The following KIRREL3 variants were observed in gnomAD, a reference collection of about 807,000 sequenced individuals.
KIRREL3 encodes kirre like nephrin family adhesion molecule 3.
Under a neutral mutation model 89.7 loss-of-function variants are expected in KIRREL3, and 36 were observed. The ratio of observed to expected loss-of-function variants is 0.40; its 90% CI spans 0.31 to 0.53. The LOEUF (loss-of-function observed/expected upper bound fraction) is 0.53, where lower values mean the gene tolerates loss of function less well. Among genes scored for constraint, KIRREL3 ranks in the 20% least tolerant of loss-of-function variants. The pLI, the probability that KIRREL3 is intolerant of heterozygous loss-of-function variation, is 0.49. For missense variants in KIRREL3, 864 were observed against 1,056.6 expected (o/e 0.82, Z 2.53); for synonymous variants, 445 against 441.4 (o/e 1.01, Z -0.10).
chr11:126,886,876 C>G (rs1474250225), intron 1 of KIRREL3, among the ~76,000 whole-genome samples: 4 of 152,186 alleles, frequency 2.6e-5, no homozygotes, highest in African/African-American at 9.7e-5. Flanking sequence ...CTGCCCCACT[C>G]TTGACAGGAA....
intron 1 of KIRREL3, among the ~76,000 whole-genome samples, chr11:126,856,619 A>ATT (rs11442624): frequency 1.9e-4 from 26 of 139,558 alleles, no homozygotes; most frequent in Admixed American, 1.3e-3. Context: ...ACAGACATAT[A>ATT]TTTTTTTTTT....
At chr11:126,933,893 T>A (rs564936740) in intron 1 of KIRREL3, among the ~76,000 whole-genome samples, 8 of 152,194 alleles carry the variant, frequency 5.3e-5, no homozygotes, top group Non-Finnish European at 1.2e-4. Context: ...CAAATCATCT[T>A]TAGGTTAAAC....
chr11:126,632,681 T>C (rs112014918), intron 1 of KIRREL3, among the ~76,000 whole-genome samples: 1 of 10 alleles, frequency 0.1, no homozygotes. Flanking sequence ...TCATCCTCCT[T>C]CCCTGCCACA....
At chr11:126,598,906 G>A (rs1281403001) in intron 1 of KIRREL3, among the ~76,000 whole-genome samples, 1 of 152,212 alleles carries the variant, frequency 6.6e-6, no homozygotes, top group Non-Finnish European at 1.5e-5. Flanking sequence ...CTCAACCCCA[G>A]TCTGAAGATC....
At chr11:126,988,833 C>G (rs1236308625) in intron 1 of KIRREL3, among the ~76,000 whole-genome samples, 1 of 152,184 alleles carries the variant, frequency 6.6e-6, no homozygotes, top group Non-Finnish European at 1.5e-5. Flanking sequence ...GTGGCTGGTC[C>G]CCATTCAGCA....
chr11:126,598,429 C>T (rs578095027), intron 1 of KIRREL3, among the ~76,000 whole-genome samples: 37 of 152,246 alleles, frequency 2.4e-4, no homozygotes, highest in Non-Finnish European at 4.4e-4. Context: ...GTGATTGATG[C>T]GAATATTCAG....
At chr11:126,446,983 G>A (rs1591547274) in intron 8 of KIRREL3, 97 bp from the exon 9 acceptor site, 2 of 1,454,280 alleles carry the variant, frequency 1.4e-6, no homozygotes, top group East Asian at 2.5e-5. Flanking sequence ...CTTGACTGGG[G>A]GGAGGCAGGC....
In KIRREL3 at chr11:126,742,399, A is replaced by G. The variant is rs748598084; in HGVS notation, c.56-179487T>C. On this transcript the variant is annotated intron_variant, in intron 1 of 16. Coordinates refer to ENST00000525144, the MANE Select transcript of KIRREL3 (RefSeq NM_032531.4). The surrounding 1 kb of genome is among the most constrained non-coding windows in gnomAD (Gnocchi z 5.3). Reference sequence around the variant, plus strand: ...TGGTTCTAATTTATTTTCATGCCTCAGTGAGCTGGACTGATAATATGGAAT... The same window carrying G: ...TGGTTCTAATTTATTTTCATGCCTCGGTGAGCTGGACTGATAATATGGAAT... 1.3e-5 allele frequency among the ~76,000 whole-genome samples: 2 copies of G among 152,206 alleles called. No homozygotes were observed. Among genetic ancestry groups the G allele is most frequent in the African/African-American group, 2.4e-5 (1 of 41,464 alleles).
At chr11:126,726,586 T>G (rs1948390598) in intron 1 of KIRREL3, among the ~76,000 whole-genome samples, 1 of 152,192 alleles carries the variant, frequency 6.6e-6, no homozygotes, top group African/African-American at 2.4e-5. Flanking sequence ...CAGGCTGGTT[T>G]CAAACTCCTG....
chr11:126,816,741 TC>T (rs1274653448), intron 1 of KIRREL3, among the ~76,000 whole-genome samples: 3 of 152,162 alleles, frequency 2.0e-5, no homozygotes, highest in African/African-American at 7.2e-5. Context: ...AATCTAAGGC[TC>T]TTCTTTGCGC....
At chr11:126,582,872 C>T (rs552101307) in intron 1 of KIRREL3, among the ~76,000 whole-genome samples, 8 of 152,188 alleles carry the variant, frequency 5.3e-5, no homozygotes, top group Non-Finnish European at 8.8e-5. Flanking sequence ...AAGTATTATC[C>T]TTAATTATCT....
At chr11:126,599,096 C>CT (rs1241888089) in intron 1 of KIRREL3, among the ~76,000 whole-genome samples, 1 of 152,224 alleles carries the variant, frequency 6.6e-6, no homozygotes, top group African/African-American at 2.4e-5. Context: ...CTCACCCCTC[C>CT]TTGCTGGGTG....
intron 1 of KIRREL3, among the ~76,000 whole-genome samples, chr11:126,600,143 T>C (rs1942587688): frequency 6.6e-6 from 1 of 152,208 alleles, no homozygotes; most frequent in South Asian, 2.1e-4. Flanking sequence ...GAGAGGCCCA[T>C]GTGGCAAGAA....
chr11:126,827,416 T>A (rs1943455267), intron 1 of KIRREL3, among the ~76,000 whole-genome samples: 1 of 152,124 alleles, frequency 6.6e-6, no homozygotes, highest in Non-Finnish European at 1.5e-5. Context: ...GACCTCGTGA[T>A]TCATCCACCT....
Position 126,771,552 on chromosome 11 carries a change from G to A in KIRREL3, c.56-208640C>T, listed in dbSNP as rs1187290225. Among the ~76,000 whole-genome samples, 1 of 152,200 alleles carries A rather than the reference G, an allele frequency of 6.6e-6. No homozygotes were observed. Among genetic ancestry groups the A allele is most frequent in the Non-Finnish European group, 1.5e-5 (1 of 68,034 alleles). ...GCCATTAAAAGTAACAGCAAAACCT[G>A]CAATTACTTTTGCACCAACCGAAAT... is the stretch of plus-strand genomic sequence containing the variant. On this transcript the variant is annotated intron_variant, in intron 1 of 16. Coordinates refer to ENST00000525144, the MANE Select transcript of KIRREL3 (RefSeq NM_032531.4). This position sits in a 1 kb window ranked among gnomAD's most constrained non-coding sequence, Gnocchi z 4.4.
Position 126,780,694 on chromosome 11 carries a change from C to G in KIRREL3, c.56-217782G>C, listed in dbSNP as rs1192076875. Among the ~76,000 whole-genome samples, 1 of 152,212 alleles carries G rather than the reference C, an allele frequency of 6.6e-6. No homozygotes were observed. The highest frequency in any genetic ancestry group is 2.4e-5 in the African/African-American group (1 of 41,448). Reference sequence around the variant, plus strand: ...TGAGACACAAGCCAGGCCACCTGTGCTAGGCTGGCAGGTGTATCCAGGGCA... The same window carrying G: ...TGAGACACAAGCCAGGCCACCTGTGGTAGGCTGGCAGGTGTATCCAGGGCA... On this transcript the variant is annotated intron_variant, in intron 1 of 16. Coordinates refer to ENST00000525144, the MANE Select transcript of KIRREL3 (RefSeq NM_032531.4). The surrounding 1 kb of genome is among the most constrained non-coding windows in gnomAD (Gnocchi z 5.3).
At position 126,978,748 on chromosome 11, in the gene KIRREL3, G is replaced by A. The variant is rs1283514972; in HGVS notation, c.55+21707C>T. On this transcript the variant is annotated intron_variant, in intron 1 of 16. Coordinates refer to ENST00000525144, the MANE Select transcript of KIRREL3 (RefSeq NM_032531.4). This position sits in a 1 kb window ranked among gnomAD's most constrained non-coding sequence, Gnocchi z 4.2. Reference sequence around the variant, plus strand: ...CATGGTGGGAGTTTCTCTGAGCTCTGTTCCCCCAAGGTGGGCTAGGCAACC... The same window carrying A: ...CATGGTGGGAGTTTCTCTGAGCTCTATTCCCCCAAGGTGGGCTAGGCAACC... 6.6e-6 allele frequency among the ~76,000 whole-genome samples: 1 copy of A among 152,094 alleles called. No individual in the cohort carries two copies. Among genetic ancestry groups the A allele is most frequent in the Non-Finnish European group, 1.5e-5 (1 of 68,018 alleles).
chr11:126,932,654 C>T (rs1948001773), intron 1 of KIRREL3, among the ~76,000 whole-genome samples: 1 of 152,224 alleles, frequency 6.6e-6, no homozygotes, highest in Admixed American at 6.5e-5. Flanking sequence ...TGTGCTTCTG[C>T]TGTGAGTCCC....
In KIRREL3 at chr11:126,510,764, C is replaced by T. The variant is rs182686201; in HGVS notation, c.433+10551G>A. Among the ~76,000 whole-genome samples the T allele has an allele frequency of 4.3e-4, 65 of 152,300 alleles. 1 individual carries two copies. Among genetic ancestry groups the T allele is most frequent in the African/African-American group, 1.3e-3 (55 of 41,556 alleles). On this transcript the variant is annotated intron_variant, in intron 4 of 16. Coordinates refer to ENST00000525144, the MANE Select transcript of KIRREL3 (RefSeq NM_032531.4). Reference sequence around the variant, plus strand: ...TCTCTTATGTCTTTTACAGGCACTGCGTCCCTGTTAGACTTCAGGGACTTT... The same window carrying T: ...TCTCTTATGTCTTTTACAGGCACTGTGTCCCTGTTAGACTTCAGGGACTTT...
Sources: gnomAD v4.1 joint callset for allele counts (sites outside exome capture counted in the v4.1 genomes callset) on GRCh38, gnomAD v4.1.1 for gene constraint, Gnocchi (gnomAD v3.1) non-coding constraint, MANE v1.5 for transcripts, NCBI Gene and HGNC (gene_info 2026-07-23, HGNC 2026-07-21) for gene names.